Variants in TMEM132D observed in about 807,000 individuals in gnomAD.
TMEM132D encodes the protein transmembrane protein 132D.
Under a neutral mutation model 62.3 loss-of-function variants are expected in TMEM132D, and 21 were observed. That is an observed-to-expected ratio of 0.34 (90% confidence interval 0.24 to 0.49). The LOEUF is 0.49. Among genes scored for constraint, TMEM132D ranks in the 20% least tolerant of loss-of-function variants. The probability of loss-of-function intolerance (pLI) is 0.99; values close to 1 mark genes in which losing one functional copy is unlikely to be tolerated. For synonymous variants in TMEM132D, 621 were observed against 575.6 expected (o/e 1.08, Z -1.13); for missense variants, 1,346 against 1,402.8 (o/e 0.96, Z 0.65).
chr12:129,490,855 C>G (rs971063956), intron 3 of TMEM132D, among the ~76,000 whole-genome samples: 3 of 151,834 alleles, frequency 2.0e-5, no homozygotes, highest in African/African-American at 7.3e-5. Context: ...AGTCTGTGCC[C>G]CCGTTTGCCA....
At chr12:129,270,316 T>C (rs916135847) in intron 4 of TMEM132D, among the ~76,000 whole-genome samples, 2 of 152,162 alleles carry the variant, frequency 1.3e-5, no homozygotes, top group East Asian at 1.9e-4. Flanking sequence ...CTGGTTACCA[T>C]AGAAACCCTG....
intron 3 of TMEM132D, among the ~76,000 whole-genome samples, chr12:129,419,261 CT>C (rs1290574772): frequency 6.6e-6 from 1 of 152,180 alleles, no homozygotes; most frequent in Non-Finnish European, 1.5e-5. Context: ...CACCGAACCT[CT>C]GCCTGGCCAA....
chr12:129,406,325 T>C (rs577339930), intron 3 of TMEM132D, among the ~76,000 whole-genome samples: 1 of 152,234 alleles, frequency 6.6e-6, no homozygotes, highest in East Asian at 1.9e-4. Context: ...GCAATGTAGA[T>C]AGGAACACAC....
intron 1 of TMEM132D, among the ~76,000 whole-genome samples, chr12:129,762,810 G>A (rs967062726): frequency 4.6e-5 from 7 of 152,100 alleles, no homozygotes; most frequent in African/African-American, 1.4e-4. Context: ...TTCTATGCAC[G>A]GAGGAGCTGA....
At chr12:129,149,340 C>T (rs1461937214) in intron 5 of TMEM132D, among the ~76,000 whole-genome samples, 3 of 152,062 alleles carry the variant, frequency 2.0e-5, no homozygotes, top group African/African-American at 7.2e-5. Context: ...CGCAGGTACA[C>T]TTACGTAAAA....
chr12:129,648,017 A>G (rs1879830808), intron 2 of TMEM132D, among the ~76,000 whole-genome samples: 1 of 152,198 alleles, frequency 6.6e-6, no homozygotes, highest in Admixed American at 6.5e-5. Context: ...TCCCCAAAAC[A>G]AAGTCCCTCC....
chr12:129,722,430 C>T (rs1868872605), intron 1 of TMEM132D, among the ~76,000 whole-genome samples: 1 of 152,184 alleles, frequency 6.6e-6, no homozygotes, highest in Admixed American at 6.5e-5. Flanking sequence ...CCAAATCGAA[C>T]CCCAGCACTG....
intron 1 of TMEM132D, among the ~76,000 whole-genome samples, chr12:129,842,707 G>C (rs374712862): frequency 6.6e-6 from 1 of 152,064 alleles, no homozygotes; most frequent in Non-Finnish European, 1.5e-5. Context: ...GGGCTCAAGC[G>C]ATCCTCCAGC....
intron 3 of TMEM132D, among the ~76,000 whole-genome samples, chr12:129,468,298 A>G (rs890167381): frequency 2.0e-5 from 3 of 152,084 alleles, no homozygotes; most frequent in Admixed American, 6.6e-5. Context: ...CTCCATCTCT[A>G]TCTGTAGACT....
At chr12:129,508,811 G>C (rs553272473) in intron 3 of TMEM132D, among the ~76,000 whole-genome samples, 7 of 152,074 alleles carry the variant, frequency 4.6e-5, no homozygotes, top group Non-Finnish European at 8.8e-5. Flanking sequence ...AGGGGGATAC[G>C]CATTGATGAA....
chr12:129,184,872 G>A (rs1475377728), intron 5 of TMEM132D, among the ~76,000 whole-genome samples: 1 of 151,834 alleles, frequency 6.6e-6, no homozygotes, highest in Admixed American at 6.6e-5. Context: ...GGGTGAGGGT[G>A]GGGGTGGGAG....
chr12:129,189,452 G>GT (rs1349096787), intron 5 of TMEM132D, among the ~76,000 whole-genome samples: 2 of 152,098 alleles, frequency 1.3e-5, no homozygotes, highest in Non-Finnish European at 2.9e-5. Context: ...TTTGTGGGGG[G>GT]TGAAGACTGC....
chr12:129,699,908 C>G lies in TMEM132D; in HGVS notation c.870G>C (p.Val290=), dbSNP rs1881335530. 2 of 1,614,148 alleles carry G rather than the reference C, an allele frequency of 1.2e-6. No homozygotes were observed. Among genetic ancestry groups the G allele is most frequent in the Non-Finnish European group, 1.7e-6 (2 of 1,180,040 alleles). The change falls in exon 2 of 9, where the codon GTG becomes GTC. Residue 290 remains valine, a synonymous_variant. Transcript: ENST00000422113. ...CGGTCTTTGGTATATAGTGGATGGC[C>G]ACGCTGTTGTCCAGACGCAGTTCTC... ...SLRELRLDNS[V]AIHYIPKTVR...
chr12:129,747,956 G>A (rs535573147), intron 1 of TMEM132D, among the ~76,000 whole-genome samples: 18 of 152,252 alleles, frequency 1.2e-4, no homozygotes, highest in African/African-American at 1.7e-4. Flanking sequence ...GACAGGCGAC[G>A]CGTATTTGCT....
intron 2 of TMEM132D, among the ~76,000 whole-genome samples, chr12:129,563,916 C>T (rs1390655249): frequency 6.6e-6 from 1 of 152,170 alleles, no homozygotes; most frequent in Non-Finnish European, 1.5e-5. Flanking sequence ...AAATGTTAGC[C>T]TTGGGACAGC....
chr12:129,269,796 T>G (rs1200952334), intron 4 of TMEM132D, among the ~76,000 whole-genome samples: 1 of 152,196 alleles, frequency 6.6e-6, no homozygotes, highest in Admixed American at 6.5e-5. Flanking sequence ...TGCATGAGCT[T>G]CCTCAGAGCA....
At chr12:129,689,143 C>G (rs1376127074) in intron 2 of TMEM132D, among the ~76,000 whole-genome samples, 1 of 151,786 alleles carries the variant, frequency 6.6e-6, no homozygotes, top group Non-Finnish European at 1.5e-5. Context: ...CTATTCTACT[C>G]AAACCAACCC....
At chr12:129,744,819 G>A (rs1378608708) in intron 1 of TMEM132D, among the ~76,000 whole-genome samples, 1 of 152,148 alleles carries the variant, frequency 6.6e-6, no homozygotes, top group Non-Finnish European at 1.5e-5. Context: ...CAAAGGCAAG[G>A]AAATTATTAA....
chr12:129,263,219 C>T (rs895079202), intron 4 of TMEM132D, among the ~76,000 whole-genome samples: 1 of 152,086 alleles, frequency 6.6e-6, no homozygotes, highest in Non-Finnish European at 1.5e-5. Context: ...GTTCCTAATC[C>T]TGCTGCATAA....
Sources: gnomAD v4.1 joint callset for allele counts (sites outside exome capture counted in the v4.1 genomes callset) on GRCh38, gnomAD v4.1.1 for gene constraint, MANE v1.5 for transcripts, NCBI Gene and HGNC (gene_info 2026-07-23, HGNC 2026-07-21) for gene names.